TMEM273: variants seen among roughly 807,000 people sequenced by gnomAD.
TMEM273 encodes the protein chromosome 10 open reading frame 128.
TMEM273 carries 19 observed loss-of-function variants against 17.9 expected under a neutral mutation model. That is an observed-to-expected ratio of 1.06 (90% CI 0.74 to 1.55). TMEM273 has a LOEUF of 1.55. Among genes scored for constraint, TMEM273 ranks in the 40% most tolerant of loss-of-function variants. The pLI is 0.00. For missense variants in TMEM273, 194 were observed against 155.6 expected (o/e 1.25, Z -1.31); for synonymous variants, 66 against 62.0 (o/e 1.07, Z -0.31).
chr10:49,187,521 G>A (rs1052978013), intron 1 of TMEM273, among the ~76,000 whole-genome samples: 1 of 152,142 alleles, frequency 6.6e-6, no homozygotes, highest in Non-Finnish European at 1.5e-5. Context: ...TGCCTTTTTA[G>A]GAAACAACAG....
Position 49,155,637 on chromosome 10 carries a change from C to A in TMEM273, c.*255G>T, listed in dbSNP as rs1274959565. 5 of 576,498 alleles carry A rather than the reference C, an allele frequency of 8.7e-6. No homozygotes were observed. Among genetic ancestry groups the A allele is most frequent in the Non-Finnish European group, 1.5e-5 (5 of 325,414 alleles). The allele number at this position is 576,498 out of a possible 1,614,324, so 35.7% of individuals were successfully genotyped here. On this transcript the variant is annotated 3_prime_UTR_variant, in exon 7 of 7. Transcript: ENST00000374153. ...CACAGGGTGAAGCTTTTGGTGTCCA[C>A]CTTCTTCCACTGCAGGCTAAATTGC...
chr10:49,184,239 G>A (rs1312975711), intron 1 of TMEM273, among the ~76,000 whole-genome samples: 1 of 151,922 alleles, frequency 6.6e-6, no homozygotes, highest in Non-Finnish European at 1.5e-5. Flanking sequence ...CCACTTTAAA[G>A]TAAAAATAAC....
chr10:49,185,109 C>T (rs1434264352), intron 1 of TMEM273, among the ~76,000 whole-genome samples: 1 of 152,124 alleles, frequency 6.6e-6, no homozygotes, highest in East Asian at 1.9e-4. Context: ...AACTCCACCT[C>T]TTATGTTCTG....
At chr10:49,165,863 G>A (rs1479449825) in intron 3 of TMEM273, 67 bp from the exon 4 acceptor site, 13 of 1,594,114 alleles carry the variant, frequency 8.2e-6, no homozygotes, top group Non-Finnish European at 1.1e-5. Context: ...ATTCCCTAGA[G>A]CTTTCACCTC....
intron 6 of TMEM273, among the ~76,000 whole-genome samples, chr10:49,156,519 T>C (rs1262345791): frequency 6.6e-6 from 1 of 152,262 alleles, no homozygotes; most frequent in Non-Finnish European, 1.5e-5. Flanking sequence ...TATACCTCCA[T>C]GCCTTGAGAC....
At chr10:49,179,710 G>A (rs1847223642) in intron 1 of TMEM273, among the ~76,000 whole-genome samples, 1 of 152,190 alleles carries the variant, frequency 6.6e-6, no homozygotes, top group South Asian at 2.1e-4. Context: ...GAATTTCTGG[G>A]TTTTCTTTTT....
chr10:49,185,050 G>A (rs933450447), intron 1 of TMEM273, among the ~76,000 whole-genome samples: 5 of 152,144 alleles, frequency 3.3e-5, no homozygotes, highest in Non-Finnish European at 5.9e-5. Flanking sequence ...CAACCCTGGG[G>A]TGCCTCTCCC....
chr10:49,161,348 C>T, intron 6 of TMEM273: 1 of 567,888 alleles, frequency 1.8e-6, no homozygotes, highest in Non-Finnish European at 3.2e-6. Flanking sequence ...CCTGTTAAAA[C>T]CATTTTCTCA....
intron 6 of TMEM273, among the ~76,000 whole-genome samples, chr10:49,158,925 G>A (rs1447228379): frequency 1.3e-5 from 2 of 152,110 alleles, no homozygotes; most frequent in Non-Finnish European, 2.9e-5. Flanking sequence ...ACATCTATAT[G>A]TAAACATCTT....
rs142121817 is a variant in TMEM273, at chr10:49,161,692, T to C, written c.349-70A>G. 1.4e-5 allele frequency: 22 copies of C among 1,593,846 alleles called. No homozygotes were observed. The African/African-American group carries it at 2.4e-4, about 17-fold the overall frequency. On this transcript the variant is annotated intron_variant, in intron 5 of 6. Transcript: ENST00000374153. ...GCCAGAAAGACAATGCAAAACTTGC[T>C]GCAAGAGAGTGGCTTGCTTGTCATT...
At chr10:49,157,930 C>T (rs1037142920) in intron 6 of TMEM273, among the ~76,000 whole-genome samples, 8 of 152,080 alleles carry the variant, frequency 5.3e-5, no homozygotes, top group African/African-American at 1.4e-4. Context: ...ACTCAAGGGA[C>T]GGAGAAGAAA....
At chr10:49,185,113 T>C (rs902711223) in intron 1 of TMEM273, among the ~76,000 whole-genome samples, 107 of 152,332 alleles carry the variant, frequency 7.0e-4, no homozygotes, top group African/African-American at 2.5e-3. Context: ...CCACCTCTTA[T>C]GTTCTGTTTC....
At chr10:49,178,331 G>C (rs140194120) in intron 1 of TMEM273, 2 of 456,476 alleles carry the variant, frequency 4.4e-6, no homozygotes, top group Non-Finnish European at 8.8e-6. Context: ...GTTCCACTTC[G>C]GGCAATAATT....
chr10:49,171,252 C>T (rs1012141081), intron 1 of TMEM273, among the ~76,000 whole-genome samples: 6 of 152,218 alleles, frequency 3.9e-5, no homozygotes, highest in African/African-American at 7.2e-5. Flanking sequence ...CATCTGACTG[C>T]TACCACCGAC....
chr10:49,188,119 A>G (rs1353626065), intron 1 of TMEM273, among the ~76,000 whole-genome samples, 175 bp downstream of exon 1: 1 of 152,252 alleles, frequency 6.6e-6, no homozygotes, highest in Admixed American at 6.5e-5. Flanking sequence ...TGTAAGTTGC[A>G]GCTGGAATGA....
chr10:49,176,379 C>T (rs1030748853), intron 1 of TMEM273, among the ~76,000 whole-genome samples: 2 of 152,236 alleles, frequency 1.3e-5, no homozygotes, highest in Non-Finnish European at 2.9e-5. Flanking sequence ...CTCCCATAGC[C>T]TGTACAATCC....
intron 6 of TMEM273, 103 bp downstream of exon 6, chr10:49,161,496 C>T (rs995599253): frequency 1.6e-5 from 24 of 1,479,450 alleles, no homozygotes; most frequent in South Asian, 4.5e-5. Context: ...GCCCGTCCCA[C>T]GTGGCCAGGG....
intron 1 of TMEM273, among the ~76,000 whole-genome samples, chr10:49,179,481 C>T (rs1284073444): frequency 6.6e-6 from 1 of 152,184 alleles, no homozygotes; most frequent in South Asian, 2.1e-4. Context: ...GGTCCCTCCC[C>T]AAAGAGCATT....
chr10:49,158,924 T>C lies in TMEM273; in HGVS notation c.372+2675A>G, dbSNP rs182598101. Among the ~76,000 whole-genome samples the C allele has an allele frequency of 3.9e-5, 6 of 152,326 alleles. No homozygotes were observed. In the East Asian group the frequency reaches 9.7e-4, roughly 25 times the overall value. Reference sequence around the variant, plus strand: ...ATATGCACAGATATATACATCTATATGTAAACATCTTCTAATTTTATTTTA... The same window carrying C: ...ATATGCACAGATATATACATCTATACGTAAACATCTTCTAATTTTATTTTA... On this transcript the variant is annotated intron_variant, in intron 6 of 6. Coordinates refer to ENST00000374153, the MANE Select transcript of TMEM273 (RefSeq NM_001288740.3).
Sources: allele counts gnomAD v4.1 joint callset (sites outside exome capture counted in the v4.1 genomes callset), GRCh38; gene constraint gnomAD v4.1.1; transcripts MANE v1.5; gene names NCBI Gene and HGNC (gene_info 2026-07-23, HGNC 2026-07-21).